PKHD1: variants seen among roughly 807,000 people sequenced by gnomAD.
PKHD1 encodes the protein fibrocystin.
In PKHD1, 291 loss-of-function variants were observed where a neutral mutation model predicts 412.0. The ratio of observed to expected loss-of-function variants is 0.71; its 90% CI spans 0.64 to 0.78. PKHD1 has a LOEUF of 0.78. Ranked by LOEUF, PKHD1 falls within the 30% of genes least tolerant of loss-of-function variation. PKHD1 has a pLI of 0.00. For missense variants in PKHD1, 4,825 were observed against 4,950.7 expected, an observed-to-expected ratio of 0.97 and a Z score of 0.76; for synonymous variants, 1,777 against 1,821.5, an observed-to-expected ratio of 0.98 and a Z score of 0.62.
chr6:52,012,864 A>G (rs1330035194), intron 34 of PKHD1, among the ~76,000 whole-genome samples: 5 of 152,260 alleles, frequency 3.3e-5, no homozygotes, highest in African/African-American at 1.2e-4. Context: ...ATCGGTTTCC[A>G]GATGGCTACT....
At chr6:51,795,592 C>A (rs907037853) in intron 52 of PKHD1, among the ~76,000 whole-genome samples, 2 of 152,170 alleles carry the variant, frequency 1.3e-5, no homozygotes, top group Non-Finnish European at 2.9e-5. Context: ...CAAAGGGCAT[C>A]CTTGTCTTGT....
intron 60 of PKHD1, among the ~76,000 whole-genome samples, chr6:51,713,962 T>C (rs1308356231): frequency 6.6e-6 from 1 of 152,146 alleles, no homozygotes; most frequent in Non-Finnish European, 1.5e-5. Flanking sequence ...ACAATTCCTG[T>C]CTATCTGTAA....
At chr6:51,921,160 G>C (rs1345684678) in intron 37 of PKHD1, among the ~76,000 whole-genome samples, 1 of 152,080 alleles carries the variant, frequency 6.6e-6, no homozygotes, top group African/African-American at 2.4e-5. Context: ...CTTGCCTTCT[G>C]CTAGCTTTTG....
At chr6:51,960,407 C>T (rs990142834) in intron 35 of PKHD1, among the ~76,000 whole-genome samples, 6 of 151,932 alleles carry the variant, frequency 3.9e-5, no homozygotes, top group South Asian at 2.1e-4. Context: ...AGTTTGATTC[C>T]ATTTATTTTT....
chr6:51,706,306 T>C (rs1186135642), intron 60 of PKHD1, among the ~76,000 whole-genome samples: 2 of 152,124 alleles, frequency 1.3e-5, no homozygotes, highest in African/African-American at 2.4e-5. Flanking sequence ...AATTTATGCA[T>C]CTGCAATCTA....
At chr6:52,047,257 T>C (rs1229772560) in intron 23 of PKHD1, among the ~76,000 whole-genome samples, 2 of 152,078 alleles carry the variant, frequency 1.3e-5, no homozygotes, top group African/African-American at 4.8e-5. Context: ...CAGGGCACGA[T>C]TGATGTTTTT....
At chr6:51,622,071 G>A (rs1250141472) in intron 66 of PKHD1, 1 of 152,140 alleles carries the variant, frequency 6.6e-6, no homozygotes, top group Non-Finnish European at 1.5e-5. Flanking sequence ...AAGTTTTAGG[G>A]AAAATGGGAT....
At chr6:51,897,928 T>A (rs913078862) in intron 43 of PKHD1, among the ~76,000 whole-genome samples, 2 of 152,142 alleles carry the variant, frequency 1.3e-5, no homozygotes, top group Admixed American at 6.5e-5. Flanking sequence ...GACCATTACA[T>A]AATGGTAAAC....
At chr6:51,783,341 A>C (rs1216026516) in intron 53 of PKHD1, among the ~76,000 whole-genome samples, 1 of 150,518 alleles carries the variant, frequency 6.6e-6, no homozygotes. Flanking sequence ...TATTTTTACA[A>C]TACAAATAAA....
At chr6:52,076,003 C>T (rs1434240857) in intron 6 of PKHD1, among the ~76,000 whole-genome samples, 1 of 152,118 alleles carries the variant, frequency 6.6e-6, no homozygotes, top group Non-Finnish European at 1.5e-5. Flanking sequence ...CTCCTCTTTC[C>T]TCCAGTCTCC....
intron 60 of PKHD1, chr6:51,682,054 C>T: frequency 4.9e-6 from 1 of 203,462 alleles, no homozygotes; most frequent in Admixed American, 5.6e-5. Context: ...GAGAAATAAG[C>T]CTTTGTTGTT....
intron 35 of PKHD1, among the ~76,000 whole-genome samples, chr6:51,988,718 G>A (rs1456039493): frequency 6.6e-6 from 1 of 152,178 alleles, no homozygotes; most frequent in African/African-American, 2.4e-5. Context: ...AAACCTTGCA[G>A]GAAGATATGG....
intron 52 of PKHD1, among the ~76,000 whole-genome samples, chr6:51,826,742 C>T (rs1344127014): frequency 6.6e-6 from 1 of 152,056 alleles, no homozygotes; most frequent in Non-Finnish European, 1.5e-5. Flanking sequence ...CCATATAATA[C>T]CACAGAGAAG....
At chr6:51,832,431 C>G (rs988512533) in intron 51 of PKHD1, among the ~76,000 whole-genome samples, 1 of 151,952 alleles carries the variant, frequency 6.6e-6, no homozygotes, top group Non-Finnish European at 1.5e-5. Flanking sequence ...TGCTGAACCA[C>G]AGAGCTAGAA....
chr6:52,025,216 T>TA lies in PKHD1; in HGVS notation c.4593dup (p.Asn1532Ter), dbSNP rs1057516263. 6.2e-7 allele frequency: 1 copy of TA among 1,614,096 alleles called. No individual in the cohort carries two copies. The highest frequency in any genetic ancestry group is 8.5e-7 in the Non-Finnish European group (1 of 1,180,026). On this transcript the variant is annotated frameshift_variant, in exon 32 of 67. Transcript: ENST00000371117. LOFTEE classifies it high-confidence loss of function. Reference sequence around the variant, plus strand: ...GTCTGGCACACAACGTGGCTTGCATTAAAAAAAGTTACATTGCAAGGAAGT... The same window carrying TA: ...GTCTGGCACACAACGTGGCTTGCATTAAAAAAAAGTTACATTGCAAGGAAGT...
chr6:51,943,601 C>T lies in PKHD1; in HGVS notation c.5909-9279G>A, dbSNP rs921038313. 4.0e-5 allele frequency among the ~76,000 whole-genome samples: 6 copies of T among 151,616 alleles called. No homozygotes were observed. In the East Asian group the frequency reaches 7.7e-4, roughly 19 times the overall value. The stretch of plus-strand genomic sequence containing the variant: ...AAAGTAAATAAATAATCTTTGCTGG[C>T]AGGGCTATGCTGAACCTCCTTAAGC... On this transcript the variant is annotated intron_variant, in intron 36 of 66. Transcript: ENST00000371117.
At chr6:52,042,500 G>A (rs375734157) in intron 27 of PKHD1, among the ~76,000 whole-genome samples, 85 of 152,274 alleles carry the variant, frequency 5.6e-4, no homozygotes, top group Middle Eastern at 3.4e-3. Flanking sequence ...ATAAGGCTAT[G>A]TTGACAAGAC....
At chr6:51,768,753 G>A (rs748975718) in intron 55 of PKHD1, among the ~76,000 whole-genome samples, 14 of 151,318 alleles carry the variant, frequency 9.3e-5, no homozygotes, top group East Asian at 1.9e-4. Context: ...ATTTAATGTC[G>A]GTTTTTCTCC....
chr6:51,689,877 T>C (rs1208917559), intron 60 of PKHD1, among the ~76,000 whole-genome samples: 2 of 152,168 alleles, frequency 1.3e-5, no homozygotes, highest in East Asian at 3.9e-4. Context: ...ATTCCATGCT[T>C]ATGGAAGAAA....
Sources: gnomAD v4.1 joint callset for allele counts (sites outside exome capture counted in the v4.1 genomes callset) on GRCh38, gnomAD v4.1.1 for gene constraint, MANE v1.5 for transcripts, NCBI Gene and HGNC (gene_info 2026-07-23, HGNC 2026-07-21) for gene names.